CACNA1C: variants seen among roughly 807,000 people sequenced by gnomAD.
CACNA1C encodes the protein calcium voltage-gated channel subunit alpha1 C.
In CACNA1C, 30 loss-of-function variants were observed where a neutral mutation model predicts 229.0. The ratio of observed to expected loss-of-function variants is 0.13; its 90% CI spans 0.10 to 0.18. The LOEUF (loss-of-function observed/expected upper bound fraction) is 0.18, where lower values mean the gene tolerates loss of function less well. Ranked by LOEUF, CACNA1C falls within the 10% of genes least tolerant of loss-of-function variation. CACNA1C has a pLI of 1.00. For missense variants in CACNA1C, 1,658 were observed against 2,845.0 expected, an observed-to-expected ratio of 0.58 and a Z score of 9.49; for synonymous variants, 1,114 against 1,132.5, an observed-to-expected ratio of 0.98 and a Z score of 0.33.
chr12:2,345,962 A>G (rs2097002145), intron 3 of CACNA1C, among the ~76,000 whole-genome samples: 1 of 152,208 alleles, frequency 6.6e-6, no homozygotes, highest in African/African-American at 2.4e-5. Context: ...GCCTGGCTAC[A>G]TGAAACCCCC....
intron 3 of CACNA1C, among the ~76,000 whole-genome samples, chr12:2,317,430 A>C (rs1440562338): frequency 6.6e-6 from 1 of 152,202 alleles, no homozygotes; most frequent in Non-Finnish European, 1.5e-5. Context: ...TATTTGTATG[A>C]AGTGCCTAGA....
intron 2 of CACNA1C, among the ~76,000 whole-genome samples, chr12:2,119,702 T>A (rs1273289665): frequency 6.6e-6 from 1 of 152,114 alleles, no homozygotes; most frequent in Non-Finnish European, 1.5e-5. Context: ...GACTCAGCCT[T>A]AAAGAGGAGA....
chr12:2,236,851 C>T (rs2067585874), intron 3 of CACNA1C, among the ~76,000 whole-genome samples: 1 of 152,158 alleles, frequency 6.6e-6, no homozygotes, highest in African/African-American at 2.4e-5. Context: ...TATCTTCCTC[C>T]CTACAGTGAG....
chr12:2,616,703 A>C (rs957987299), intron 29 of CACNA1C, among the ~76,000 whole-genome samples: 3 of 152,216 alleles, frequency 2.0e-5, no homozygotes, highest in Non-Finnish European at 4.4e-5. Context: ...TTATTGCCCT[A>C]GTGACAGAAA....
rs149670475 is a variant in CACNA1C, at chr12:2,149,201, A to G, written c.477+28771A>G. Among the ~76,000 whole-genome samples, 291 of 152,300 alleles carry G rather than the reference A, an allele frequency of 1.9e-3. 1 individual carries two copies. Among genetic ancestry groups the G allele is most frequent in the African/African-American group, 6.6e-3 (276 of 41,560 alleles). ...GAGGAAGAAAGGGCAGCTATGACCT[A>G]TCTTGGGGTTTTGCATTTTGTTCTT... On this transcript the variant is annotated intron_variant, in intron 3 of 46. Coordinates refer to ENST00000399655, the MANE Select transcript of CACNA1C (RefSeq NM_000719.7).
At position 2,605,898 on chromosome 12, in the gene CACNA1C, C is replaced by A; in HGVS notation, c.3156+112C>A. 1 of 772,414 alleles carries A rather than the reference C, an allele frequency of 1.3e-6. No homozygotes were observed. The highest frequency in any genetic ancestry group is 2.2e-6 in the Non-Finnish European group (1 of 446,950). 47.8% of individuals were successfully genotyped at this position (772,414 alleles called of 1,614,324 possible). A position where few individuals can be genotyped will look rare whatever the true frequency, so the allele number is the denominator to read the frequency against. On this transcript the variant is annotated intron_variant, in intron 24 of 46. Coordinates refer to ENST00000399655, the MANE Select transcript of CACNA1C (RefSeq NM_000719.7). The surrounding 1 kb of genome is among the most constrained non-coding windows in gnomAD (Gnocchi z 6.2). ...AGACAGTGTCCTGAGCCAGACTTGGCTTGGATATAACCTCCACCTGCAGCC... is the reference window on the plus strand; with the variant it reads ...AGACAGTGTCCTGAGCCAGACTTGGATTGGATATAACCTCCACCTGCAGCC...
rs116439311 is a variant in CACNA1C at position 2,349,861 on chromosome 12, A to G, written c.478-99115A>G. Among the ~76,000 whole-genome samples the G allele has an allele frequency of 5.5e-3, 836 of 152,278 alleles. 5 individuals are homozygous for G. Among genetic ancestry groups the G allele is most frequent in the African/African-American group, 0.019 (791 of 41,552 alleles). Reference sequence around the variant, plus strand: ...TACTAGGTGCTCAGGAAAGATTGCAATCTGACTAGGAGTTTTGAAATTTGT... The same window carrying G: ...TACTAGGTGCTCAGGAAAGATTGCAGTCTGACTAGGAGTTTTGAAATTTGT... On this transcript the variant is annotated intron_variant, in intron 3 of 46. Transcript: ENST00000399655.
chr12:2,606,144 C>T (rs2075234602), intron 24 of CACNA1C, among the ~76,000 whole-genome samples: 1 of 152,232 alleles, frequency 6.6e-6, no homozygotes, highest in Non-Finnish European at 1.5e-5. Context: ...GTCCCCACTG[C>T]ACCACCCAGC....
chr12:2,631,992 A>G (rs535760394), intron 29 of CACNA1C, among the ~76,000 whole-genome samples: 1 of 152,186 alleles, frequency 6.6e-6, no homozygotes, highest in African/African-American at 2.4e-5. Context: ...CTTTGTGAGT[A>G]AAAAATGAAG....
At chr12:2,292,638 T>C (rs1437934696) in intron 3 of CACNA1C, among the ~76,000 whole-genome samples, 1 of 152,198 alleles carries the variant, frequency 6.6e-6, no homozygotes, top group Non-Finnish European at 1.5e-5. Context: ...GCAGGCAGGC[T>C]AGAGGGACTG....
intron 1 of CACNA1C, chr12:1,991,464 A>G (rs1050843339): frequency 2.1e-5 from 5 of 237,860 alleles, no homozygotes; most frequent in Non-Finnish European, 4.3e-5. Context: ...AGTGAAATTA[A>G]TAATATATTT....
At chr12:2,320,692 C>A (rs973657030) in intron 3 of CACNA1C, among the ~76,000 whole-genome samples, 23 of 152,198 alleles carry the variant, frequency 1.5e-4, no homozygotes, top group African/African-American at 4.8e-4. Flanking sequence ...TCCAAGGCCA[C>A]CTCTTCTCTC....
At chr12:2,178,438 T>G (rs2096732734) in intron 3 of CACNA1C, among the ~76,000 whole-genome samples, 2 of 152,224 alleles carry the variant, frequency 1.3e-5, no homozygotes. Context: ...ATTATGTTTT[T>G]CCGACAATCC....
intron 3 of CACNA1C, among the ~76,000 whole-genome samples, chr12:2,349,581 C>G (rs1349149928): frequency 6.6e-6 from 1 of 152,200 alleles, no homozygotes; most frequent in African/African-American, 2.4e-5. Context: ...GGAATTTTAG[C>G]CCCTGCTTGG....
intron 3 of CACNA1C, among the ~76,000 whole-genome samples, chr12:2,284,104 G>T (rs535777388): frequency 5.3e-5 from 8 of 152,258 alleles, no homozygotes; most frequent in African/African-American, 1.9e-4. Context: ...ACAGGAACCC[G>T]CCATCCCCCT....
At chr12:2,270,432 G>A (rs1385712404) in intron 3 of CACNA1C, among the ~76,000 whole-genome samples, 2 of 152,186 alleles carry the variant, frequency 1.3e-5, no homozygotes, top group African/African-American at 4.8e-5. Context: ...ACACTTTCCA[G>A]AATGCCGTAC....
rs762293240 is a variant in CACNA1C, at chr12:2,348,416, G to A, written c.478-100560G>A. On this transcript the variant is annotated intron_variant, in intron 3 of 46. Transcript: ENST00000399655. The surrounding 1 kb of genome is among the most constrained non-coding windows in gnomAD (Gnocchi z 4.7). ...TCTTAGCAACTTAGTCAATCCAAAC[G>A]TGGAGGTGATTGGCATATGTAAGAA... is the stretch of plus-strand genomic sequence containing the variant. Among the ~76,000 whole-genome samples, 20 of 152,214 alleles carry A rather than the reference G, an allele frequency of 1.3e-4. No individual in the cohort carries two copies. The highest frequency in any genetic ancestry group is 3.9e-4 in the African/African-American group (16 of 41,472).
At chr12:2,367,593 G>T (rs1325003876) in intron 3 of CACNA1C, among the ~76,000 whole-genome samples, 2 of 152,066 alleles carry the variant, frequency 1.3e-5, no homozygotes, top group Non-Finnish European at 2.9e-5. Flanking sequence ...ACAAAGTGTT[G>T]CAAAAAGGCT....
chr12:2,437,092 G>A (rs1238805184), intron 3 of CACNA1C, among the ~76,000 whole-genome samples: 1 of 152,248 alleles, frequency 6.6e-6, no homozygotes, highest in African/African-American at 2.4e-5. Flanking sequence ...ACACTGGCAG[G>A]GTTGGGTCTC....
Sources: allele counts gnomAD v4.1 joint callset (sites outside exome capture counted in the v4.1 genomes callset), GRCh38; gene constraint gnomAD v4.1.1; non-coding constraint Gnocchi (gnomAD v3.1); transcripts MANE v1.5; gene names NCBI Gene and HGNC (gene_info 2026-07-23, HGNC 2026-07-21).